Variants in QSOX2 observed in about 807,000 individuals in gnomAD.
The protein encoded by QSOX2 is sulfhydryl oxidase 2.
In QSOX2, 46 loss-of-function variants were observed where a neutral mutation model predicts 61.7. The ratio of observed to expected loss-of-function variants is 0.75; its 90% CI spans 0.59 to 0.95. QSOX2 has a LOEUF of 0.95. QSOX2 is among the 40% of genes least tolerant of loss of function. QSOX2 has a pLI of 0.00. For missense variants in QSOX2, 879 were observed against 918.9 expected, an observed-to-expected ratio of 0.96 and a Z score of 0.56; for synonymous variants, 383 against 388.4, an observed-to-expected ratio of 0.99 and a Z score of 0.16.
chr9:136,214,078 G>A (rs1388891462), intron 10 of QSOX2, among the ~76,000 whole-genome samples: 2 of 152,212 alleles, frequency 1.3e-5, no homozygotes, highest in Admixed American at 6.5e-5. Flanking sequence ...AACTGTGTGA[G>A]TCAAGACTCC....
At chr9:136,215,466 T>A (rs1831901332) in intron 9 of QSOX2, among the ~76,000 whole-genome samples, 162 bp from the exon 10 acceptor site, 1 of 152,082 alleles carries the variant, frequency 6.6e-6, no homozygotes, top group Non-Finnish European at 1.5e-5. Flanking sequence ...TCCTACCATA[T>A]GCAAATTTAA....
chr9:136,232,692 G>C (rs777624051), intron 1 of QSOX2, among the ~76,000 whole-genome samples: 13 of 152,118 alleles, frequency 8.5e-5, no homozygotes, highest in Non-Finnish European at 1.8e-4. Context: ...CAAGCACTTT[G>C]TGAGGCTGAG....
intron 1 of QSOX2, among the ~76,000 whole-genome samples, chr9:136,244,893 G>C (rs1830458384): frequency 6.6e-6 from 1 of 152,202 alleles, no homozygotes; most frequent in Non-Finnish European, 1.5e-5. Flanking sequence ...GAAGTCTCCA[G>C]AGTATTTGGA....
chr9:136,221,541 G>A lies in QSOX2; in HGVS notation c.821+255C>T, dbSNP rs1831980704. ...CTGGTTTAGCCACGGTTTCCTCTGC[G>A]ACTCTTGGTAAGTCACCACGCCAGG... On this transcript the variant is annotated intron_variant, in intron 6 of 11. Coordinates refer to ENST00000358701, the MANE Select transcript of QSOX2 (RefSeq NM_181701.4). The surrounding 1 kb of genome is among the most constrained non-coding windows in gnomAD (Gnocchi z 4.5). 6.6e-6 allele frequency among the ~76,000 whole-genome samples: 1 copy of A among 152,344 alleles called. No homozygotes were observed. Among genetic ancestry groups the A allele is most frequent in the South Asian group, 2.1e-4 (1 of 4,832 alleles).
intron 1 of QSOX2, among the ~76,000 whole-genome samples, chr9:136,230,007 G>A (rs776334098): frequency 3.9e-5 from 6 of 152,256 alleles, no homozygotes; most frequent in Non-Finnish European, 7.3e-5. Context: ...CTGGCCGGGC[G>A]TGGTGGCTCA....
intron 8 of QSOX2, among the ~76,000 whole-genome samples, chr9:136,217,539 G>A (rs1329427715): frequency 6.6e-6 from 1 of 152,180 alleles, no homozygotes; most frequent in Non-Finnish European, 1.5e-5. Flanking sequence ...TAATTTACCA[G>A]AATCAAATTT....
intron 1 of QSOX2, among the ~76,000 whole-genome samples, chr9:136,237,721 G>C (rs1830400224): frequency 6.6e-6 from 1 of 150,470 alleles, no homozygotes; most frequent in African/African-American, 2.5e-5. Flanking sequence ...CTCTGGGCCG[G>C]CGTCACCTGG....
At chr9:136,242,766 A>G (rs1830442634) in intron 1 of QSOX2, among the ~76,000 whole-genome samples, 1 of 152,236 alleles carries the variant, frequency 6.6e-6, no homozygotes, top group South Asian at 2.1e-4. Context: ...CCCTACTTTG[A>G]GAGTCCCAGC....
chr9:136,225,938 G>A (rs183197862), intron 2 of QSOX2, among the ~76,000 whole-genome samples: 209 of 152,368 alleles, frequency 1.4e-3, no homozygotes, highest in African/African-American at 4.9e-3. Flanking sequence ...CGCAGAGGCA[G>A]GCAAGCAAGT....
At chr9:136,245,448 G>A (rs781833407) in intron 1 of QSOX2, 28 bp downstream of exon 1, 26 of 1,566,466 alleles carry the variant, frequency 1.7e-5, no homozygotes, top group Non-Finnish European at 2.1e-5. Flanking sequence ...CGGGGGTCGG[G>A]GGGTCCCCGC....
chr9:136,242,095 C>G (rs62579058), intron 1 of QSOX2, among the ~76,000 whole-genome samples: 8,388 of 152,344 alleles, frequency 0.055, 440 homozygotes, highest in African/African-American at 0.14. Flanking sequence ...CTGCAAAGTA[C>G]TTAGAAGTGA....
Position 136,237,466 on chromosome 9 carries a change from G to A in QSOX2, c.328+8010C>T, listed in dbSNP as rs796822866. 3.8e-3 allele frequency among the ~76,000 whole-genome samples: 273 copies of A among 71,032 alleles called. 2 individuals carry two copies. Among genetic ancestry groups the A allele is most frequent in the African/African-American group, 0.011 (215 of 19,110 alleles). The allele number at this position is 71,032 out of a possible 152,430, so 46.6% of individuals were successfully genotyped here. The stretch of plus-strand genomic sequence containing the variant: ...CCACACCTGGAGCCCATCCTGTGCC[G>A]GCGACACCTGGAGCCCGTCCTGTGC... On this transcript the variant is annotated intron_variant, in intron 1 of 11. Transcript: ENST00000358701.
intron 10 of QSOX2, among the ~76,000 whole-genome samples, chr9:136,212,786 T>G (rs1831862793): frequency 6.6e-6 from 1 of 152,224 alleles, no homozygotes; most frequent in African/African-American, 2.4e-5. Context: ...GTGGGAGGAT[T>G]AGAGGCCTTC....
At chr9:136,219,404 CTA>C (rs1356835821) in intron 6 of QSOX2, among the ~76,000 whole-genome samples, 1 of 152,248 alleles carries the variant, frequency 6.6e-6, no homozygotes, top group South Asian at 2.1e-4. Context: ...GTAATAAGTA[CTA>C]TGACTCATTT....
At position 136,215,154 on chromosome 9, in the gene QSOX2, C is replaced by A; in HGVS notation, c.1360G>T (p.Gly454Cys). 6.2e-7 allele frequency: 1 copy of A among 1,613,234 alleles called. No individual in the cohort carries two copies. The highest frequency in any genetic ancestry group is 8.5e-7 in the Non-Finnish European group (1 of 1,179,766). ...TCTGGCCTGTATGGGCACAGCTTAC[C>A]TGTGCCAACCAGTGCATCTGGGTGG... ...STHPDALVGT[G>C]FEDDPQAVLQ... The change falls in exon 10 of 12, where the codon GGC becomes TGC. Residue 454 changes from glycine (G) to cysteine (C), a missense_variant and splice_region_variant. Transcript: ENST00000358701.
At chr9:136,218,961 C>A in intron 7 of QSOX2, 69 bp downstream of exon 7, 1 of 1,587,906 alleles carries the variant, frequency 6.3e-7, no homozygotes, top group Non-Finnish European at 8.6e-7. Context: ...GTAAACCCGC[C>A]CTGCAAGCAC....
At chr9:136,220,242 T>C (rs1484550273) in intron 6 of QSOX2, among the ~76,000 whole-genome samples, 1 of 152,204 alleles carries the variant, frequency 6.6e-6, no homozygotes, top group African/African-American at 2.4e-5. Flanking sequence ...CAACCTGGGC[T>C]GGTCTCAGAC....
chr9:136,226,658 G>A (rs961891965), intron 2 of QSOX2, 116 bp downstream of exon 2: 98 of 855,932 alleles, frequency 1.1e-4, no homozygotes, highest in Non-Finnish European at 1.7e-4. Flanking sequence ...CAGAGAAGCC[G>A]AAAACACAGG....
intron 10 of QSOX2, 50 bp downstream of exon 10, chr9:136,215,104 A>T: frequency 6.3e-7 from 1 of 1,589,668 alleles, no homozygotes; most frequent in African/African-American, 1.4e-5. Flanking sequence ...GGCTGGGTTA[A>T]CTTGTTAGGC....
Sources: gnomAD v4.1 joint callset for allele counts (sites outside exome capture counted in the v4.1 genomes callset) on GRCh38, gnomAD v4.1.1 for gene constraint, Gnocchi (gnomAD v3.1) non-coding constraint, MANE v1.5 for transcripts, NCBI Gene and HGNC (gene_info 2026-07-23, HGNC 2026-07-21) for gene names.